The following HDAC9 variants were observed in gnomAD, a reference collection of about 807,000 sequenced individuals.
The protein encoded by HDAC9 is MEF-2 interacting transcription repressor (MITR) protein.
In HDAC9, 41 loss-of-function variants were observed where a neutral mutation model predicts 139.4. The observed-to-expected ratio is 0.29, with a 90% CI of 0.23 to 0.38. HDAC9 has a LOEUF of 0.38. Ranked by LOEUF, HDAC9 falls within the 10% of genes least tolerant of loss-of-function variation. The probability of loss-of-function intolerance (pLI) is 1.00; values close to 1 mark genes in which losing one functional copy is unlikely to be tolerated. For synonymous variants in HDAC9, 517 were observed against 476.2 expected (o/e 1.09, Z -1.12); for missense variants, 1,147 against 1,297.0 (o/e 0.88, Z 1.78).
At chr7:18,464,496 A>T (rs554707810) in intron 1 of HDAC9, among the ~76,000 whole-genome samples, 1 of 151,858 alleles carries the variant, frequency 6.6e-6, no homozygotes, top group Admixed American at 6.6e-5. Flanking sequence ...TGTCATCTTG[A>T]TTTTTGTCAG....
intron 17 of HDAC9, among the ~76,000 whole-genome samples, chr7:18,813,369 G>C (rs2129192572): frequency 6.6e-6 from 1 of 152,138 alleles, no homozygotes; most frequent in Non-Finnish European, 1.5e-5. Flanking sequence ...TTGTTACTTT[G>C]GCAGACTGAA....
intron 1 of HDAC9, among the ~76,000 whole-genome samples, chr7:18,111,895 T>A (rs1783644216): frequency 6.6e-6 from 1 of 152,170 alleles, no homozygotes; most frequent in Non-Finnish European, 1.5e-5. Context: ...TAGAGTGGTG[T>A]ATGTACAAGC....
intron 2 of HDAC9, among the ~76,000 whole-genome samples, chr7:18,197,246 TTCTC>T (rs1790790390): frequency 6.6e-6 from 1 of 152,172 alleles, no homozygotes. Flanking sequence ...CTCCCTTTCT[TTCTC>T]TCTTTCTCTG....
intron 2 of HDAC9, among the ~76,000 whole-genome samples, chr7:18,565,427 C>G (rs1563300477): frequency 6.6e-6 from 1 of 152,158 alleles, no homozygotes; most frequent in Non-Finnish European, 1.5e-5. Context: ...AATATCCAAA[C>G]TCTACTTGCT....
intron 13 of HDAC9, among the ~76,000 whole-genome samples, chr7:18,740,934 A>G (rs979135902): frequency 6.6e-6 from 1 of 152,196 alleles, no homozygotes; most frequent in Non-Finnish European, 1.5e-5. Context: ...TCCTTCAGCC[A>G]AAACCTCATC....
chr7:18,795,769 G>A (rs1792746038), intron 17 of HDAC9, among the ~76,000 whole-genome samples: 1 of 152,188 alleles, frequency 6.6e-6, no homozygotes, highest in South Asian at 2.1e-4. Flanking sequence ...TGTAACTGAG[G>A]TAGACAGCCA....
intron 11 of HDAC9, among the ~76,000 whole-genome samples, chr7:18,654,898 A>G (rs1562773882): frequency 6.6e-6 from 1 of 152,188 alleles, no homozygotes; most frequent in Non-Finnish European, 1.5e-5. Flanking sequence ...CTGTTGGATT[A>G]TAAGGCTTTC....
chr7:18,761,866 C>T (rs935205694), intron 14 of HDAC9, among the ~76,000 whole-genome samples: 1 of 152,158 alleles, frequency 6.6e-6, no homozygotes, highest in Admixed American at 6.6e-5. Flanking sequence ...TAAGCTGATA[C>T]TTTACAAAAG....
chr7:18,278,640 A>G (rs1420089498), intron 2 of HDAC9, among the ~76,000 whole-genome samples: 1 of 152,182 alleles, frequency 6.6e-6, no homozygotes, highest in Non-Finnish European at 1.5e-5. Context: ...GATGAAAGAG[A>G]AGTACTTAAA....
At chr7:18,394,240 T>C (rs1369345880) in intron 1 of HDAC9, among the ~76,000 whole-genome samples, 1 of 152,212 alleles carries the variant, frequency 6.6e-6, no homozygotes, top group South Asian at 2.1e-4. Flanking sequence ...TGGGGCTGTC[T>C]TAATCTTATT....
chr7:18,408,514 G>A (rs1209321760), intron 1 of HDAC9, among the ~76,000 whole-genome samples: 1 of 152,146 alleles, frequency 6.6e-6, no homozygotes, highest in Non-Finnish European at 1.5e-5. Flanking sequence ...AAGGAAAATA[G>A]CTCTTCCTGG....
At chr7:18,178,849 T>A (rs758383918) in intron 2 of HDAC9, among the ~76,000 whole-genome samples, 1 of 152,232 alleles carries the variant, frequency 6.6e-6, no homozygotes, top group Non-Finnish European at 1.5e-5. Flanking sequence ...TTAAAATTTG[T>A]GACTTTTCAA....
At chr7:18,776,564 A>C (rs541903025) in intron 16 of HDAC9, among the ~76,000 whole-genome samples, 1 of 152,252 alleles carries the variant, frequency 6.6e-6, no homozygotes, top group East Asian at 1.9e-4. Context: ...CAAATAAGCA[A>C]GAATGAATGA....
chr7:18,324,484 A>G (rs1170213426), intron 1 of HDAC9, among the ~76,000 whole-genome samples: 1 of 152,166 alleles, frequency 6.6e-6, no homozygotes, highest in Non-Finnish European at 1.5e-5. Context: ...TTAACTTTCT[A>G]CAATAGCTAA....
intron 1 of HDAC9, among the ~76,000 whole-genome samples, chr7:18,424,789 G>A (rs899340205): frequency 1.4e-4 from 21 of 152,152 alleles, no homozygotes; most frequent in Non-Finnish European, 2.5e-4. Context: ...CACGTGCCCA[G>A]CTACTCTGGA....
At chr7:18,835,385 CAG>C (rs1431703391) in intron 19 of HDAC9, 80 bp from the exon 20 acceptor site, 10 of 1,384,448 alleles carry the variant, frequency 7.2e-6, no homozygotes, top group Middle Eastern at 2.3e-4. Context: ...GGTAGAAAGA[CAG>C]GGAACTAGAA....
intron 2 of HDAC9, among the ~76,000 whole-genome samples, chr7:18,550,439 G>A (rs1439639429): frequency 6.6e-6 from 1 of 152,100 alleles, no homozygotes; most frequent in Non-Finnish European, 1.5e-5. Flanking sequence ...GCATGTACCA[G>A]TCAACACAAC....
chr7:18,552,218 A>G (rs1817384004), intron 2 of HDAC9, among the ~76,000 whole-genome samples: 1 of 152,230 alleles, frequency 6.6e-6, no homozygotes, highest in Non-Finnish European at 1.5e-5. Flanking sequence ...GTAGGTTTAT[A>G]GGTGGAAATA....
chr7:18,633,089 A>G (rs1782832783), intron 7 of HDAC9, among the ~76,000 whole-genome samples: 1 of 152,078 alleles, frequency 6.6e-6, no homozygotes, highest in African/African-American at 2.4e-5. Flanking sequence ...CCCCAAAATG[A>G]CATATGAAGT....
Sources: gnomAD v4.1 joint callset for allele counts (sites outside exome capture counted in the v4.1 genomes callset) on GRCh38, gnomAD v4.1.1 for gene constraint, MANE v1.5 for transcripts, NCBI Gene and HGNC (gene_info 2026-07-23, HGNC 2026-07-21) for gene names.